The following PLXDC2 variants were observed in gnomAD, a reference collection of about 807,000 sequenced individuals.
PLXDC2 encodes plexin domain containing 2.
In PLXDC2, 40 loss-of-function variants were observed where a neutral mutation model predicts 68.9. The ratio of observed to expected loss-of-function variants is 0.58; its 90% CI spans 0.45 to 0.76. PLXDC2 has a LOEUF of 0.76. Ranked by LOEUF, PLXDC2 falls within the 30% of genes least tolerant of loss-of-function variation. The probability of loss-of-function intolerance (pLI) is 0.00; values close to 1 mark genes in which losing one functional copy is unlikely to be tolerated. For synonymous variants in PLXDC2, 243 were observed against 234.2 expected (o/e 1.04, Z -0.34); for missense variants, 644 against 661.9 (o/e 0.97, Z 0.30).
intron 2 of PLXDC2, among the ~76,000 whole-genome samples, chr10:20,022,113 C>G (rs143107036): frequency 6.6e-6 from 1 of 152,240 alleles, no homozygotes; most frequent in Non-Finnish European, 1.5e-5. Flanking sequence ...CATTTACTCT[C>G]GGATTCTCCT....
At chr10:19,977,384 G>A (rs1324533307) in intron 1 of PLXDC2, among the ~76,000 whole-genome samples, 3 of 152,178 alleles carry the variant, frequency 2.0e-5, no homozygotes, top group African/African-American at 7.2e-5. Flanking sequence ...ACATTGCCCT[G>A]GAGAACAATC....
chr10:20,126,318 A>G (rs900215174), intron 4 of PLXDC2, among the ~76,000 whole-genome samples: 1 of 86,170 alleles, frequency 1.2e-5, no homozygotes, highest in Admixed American at 1.4e-4. Flanking sequence ...TACGTTATAT[A>G]ATATATACAT....
intron 4 of PLXDC2, among the ~76,000 whole-genome samples, chr10:20,105,419 T>C (rs1338519106): frequency 6.6e-6 from 1 of 152,236 alleles, no homozygotes; most frequent in Non-Finnish European, 1.5e-5. Flanking sequence ...CGAATGACTA[T>C]TTTGATAAGC....
chr10:19,993,763 C>T (rs947566392), intron 1 of PLXDC2, among the ~76,000 whole-genome samples: 7 of 152,188 alleles, frequency 4.6e-5, no homozygotes, highest in East Asian at 1.9e-4. Context: ...TGGATTTTCC[C>T]GTTCTGTTTC....
intron 13 of PLXDC2, among the ~76,000 whole-genome samples, chr10:20,256,850 A>G (rs1272652322): frequency 6.6e-6 from 1 of 152,204 alleles, no homozygotes; most frequent in Admixed American, 6.5e-5. Context: ...TGTTTAATTT[A>G]TTTGTAATTG....
chr10:20,169,100 G>T (rs977170055), intron 7 of PLXDC2, among the ~76,000 whole-genome samples: 1 of 152,086 alleles, frequency 6.6e-6, no homozygotes, highest in Non-Finnish European at 1.5e-5. Flanking sequence ...AAAGAGGTTG[G>T]TTACATAGTT....
intron 1 of PLXDC2, among the ~76,000 whole-genome samples, chr10:19,819,653 T>C (rs939089712): frequency 1.3e-5 from 2 of 152,266 alleles, no homozygotes; most frequent in African/African-American, 4.8e-5. Context: ...GATAAACTGC[T>C]AATTTCCTCT....
chr10:19,842,361 G>A (rs1177852513), intron 1 of PLXDC2, among the ~76,000 whole-genome samples: 1 of 152,078 alleles, frequency 6.6e-6, no homozygotes, highest in Non-Finnish European at 1.5e-5. Flanking sequence ...ATGCGTTGAG[G>A]CATATAATAC....
chr10:20,231,588 G>A (rs1199560436), intron 12 of PLXDC2, among the ~76,000 whole-genome samples: 3 of 150,578 alleles, frequency 2.0e-5, no homozygotes, highest in Non-Finnish European at 3.0e-5. Flanking sequence ...AAGGAAATAA[G>A]AGTAGAAAAA....
intron 1 of PLXDC2, among the ~76,000 whole-genome samples, chr10:19,921,820 A>G (rs1340847239): frequency 1.3e-5 from 2 of 152,068 alleles, no homozygotes; most frequent in African/African-American, 2.4e-5. Context: ...GCCAGTTGGG[A>G]CAACTGTGTC....
intron 9 of PLXDC2, among the ~76,000 whole-genome samples, chr10:20,179,111 T>C (rs2131828030): frequency 6.6e-6 from 1 of 152,172 alleles, no homozygotes. Flanking sequence ...AAATGGAAAA[T>C]GTCCAAAGGA....
intron 7 of PLXDC2, among the ~76,000 whole-genome samples, chr10:20,175,401 A>C (rs557263600): frequency 6.6e-6 from 1 of 152,188 alleles, no homozygotes; most frequent in African/African-American, 2.4e-5. Flanking sequence ...ATTAACCACT[A>C]TGACGCTCAG....
At chr10:19,954,323 C>T (rs1455706950) in intron 1 of PLXDC2, among the ~76,000 whole-genome samples, 1 of 152,082 alleles carries the variant, frequency 6.6e-6, no homozygotes, top group Non-Finnish European at 1.5e-5. Flanking sequence ...AATAAAATTA[C>T]TCTCTAAGCC....
chr10:19,907,176 G>A (rs143604330), intron 1 of PLXDC2, among the ~76,000 whole-genome samples: 4 of 152,126 alleles, frequency 2.6e-5, no homozygotes, highest in East Asian at 3.9e-4. Flanking sequence ...TTTCTTGAGC[G>A]CTAAGAGCCT....
At chr10:20,160,434 C>A (rs1834275550) in intron 6 of PLXDC2, among the ~76,000 whole-genome samples, 1 of 152,046 alleles carries the variant, frequency 6.6e-6, no homozygotes, top group Non-Finnish European at 1.5e-5. Context: ...GAGTATTTCA[C>A]CCTTATCATT....
chr10:20,097,006 A>C (rs1302012885), intron 4 of PLXDC2, among the ~76,000 whole-genome samples: 1 of 152,034 alleles, frequency 6.6e-6, no homozygotes, highest in Admixed American at 6.6e-5. Flanking sequence ...GCTGGTTTTC[A>C]GATCTATCTA....
At chr10:19,893,703 G>A (rs1838006487) in intron 1 of PLXDC2, among the ~76,000 whole-genome samples, 1 of 152,194 alleles carries the variant, frequency 6.6e-6, no homozygotes, top group Admixed American at 6.5e-5. Flanking sequence ...AAATAATTTT[G>A]GAGGCAGAAG....
chr10:20,111,444 A>G (rs1189893525), intron 4 of PLXDC2, among the ~76,000 whole-genome samples: 3 of 152,240 alleles, frequency 2.0e-5, no homozygotes, highest in East Asian at 3.8e-4. Flanking sequence ...GAAAATAATT[A>G]TCTTGTGATT....
intron 7 of PLXDC2, among the ~76,000 whole-genome samples, chr10:20,167,791 C>G (rs1834394066): frequency 6.6e-6 from 1 of 152,062 alleles, no homozygotes; most frequent in African/African-American, 2.4e-5. Context: ...TAGTATTTCC[C>G]AGTAGATCAC....
Sources: gnomAD v4.1 joint callset for allele counts (sites outside exome capture counted in the v4.1 genomes callset) on GRCh38, gnomAD v4.1.1 for gene constraint, MANE v1.5 for transcripts, NCBI Gene and HGNC (gene_info 2026-07-23, HGNC 2026-07-21) for gene names.